DLGAP2: variants seen among roughly 807,000 people sequenced by gnomAD.
The protein encoded by DLGAP2 is DLG associated protein 2.
DLGAP2 carries 26 observed loss-of-function variants against 100.3 expected under a neutral mutation model. That is an observed-to-expected ratio of 0.26 (90% confidence interval 0.19 to 0.36). The LOEUF is 0.36. Ranked by LOEUF, DLGAP2 falls within the 10% of genes least tolerant of loss-of-function variation. The pLI is 1.00. For synonymous variants in DLGAP2, 886 were observed against 630.1 expected (o/e 1.41, Z -6.08); for missense variants, 1,858 against 1,453.2 (o/e 1.28, Z -4.53).
chr8:1,589,585 C>T (rs1211354370), intron 6 of DLGAP2, among the ~76,000 whole-genome samples: 2 of 152,182 alleles, frequency 1.3e-5, no homozygotes, highest in African/African-American at 4.8e-5. Flanking sequence ...CAGGCTTGCG[C>T]CACCATGCCC....
chr8:949,171 C>T (rs1055302311), intron 2 of DLGAP2, among the ~76,000 whole-genome samples: 4 of 152,148 alleles, frequency 2.6e-5, no homozygotes, highest in African/African-American at 9.7e-5. Flanking sequence ...GTGGAAAGGA[C>T]GTGTGGTTCC....
chr8:1,609,864 A>C (rs1234211843), intron 6 of DLGAP2, among the ~76,000 whole-genome samples: 2 of 149,688 alleles, frequency 1.3e-5, no homozygotes, highest in African/African-American at 4.9e-5. Flanking sequence ...TGCACCCAAT[A>C]CGGGAGCACC....
chr8:1,009,475 T>C (rs1263371163), intron 2 of DLGAP2, among the ~76,000 whole-genome samples: 1 of 152,236 alleles, frequency 6.6e-6, no homozygotes, highest in Non-Finnish European at 1.5e-5. Context: ...TGGTATTGCT[T>C]CTGACATTTT....
At position 927,901 on chromosome 8, in the gene DLGAP2, G is replaced by T. The variant is rs138189463; in HGVS notation, c.73+19935G>T. Among the ~76,000 whole-genome samples, 564 of 152,334 alleles carry T rather than the reference G, an allele frequency of 3.7e-3. 7 individuals carry two copies. The highest frequency in any genetic ancestry group is 0.013 in the African/African-American group (544 of 41,568). On this transcript the variant is annotated intron_variant, in intron 2 of 14. Coordinates refer to ENST00000637795, the MANE Select transcript of DLGAP2 (RefSeq NM_001346810.2). Reference sequence around the variant, plus strand: ...CCCCACAAAGGACCAGCACACAGATGCACAAGTTCCCCTGAAGGGGCAGAG... The same window carrying T: ...CCCCACAAAGGACCAGCACACAGATTCACAAGTTCCCCTGAAGGGGCAGAG...
chr8:1,091,091 A>G (rs1309427891), intron 2 of DLGAP2, among the ~76,000 whole-genome samples: 1 of 152,140 alleles, frequency 6.6e-6, no homozygotes. Flanking sequence ...GGCTCCGGGC[A>G]GCCTGCAGCG....
At chr8:1,593,441 C>G (rs1796350996) in intron 6 of DLGAP2, among the ~76,000 whole-genome samples, 2 of 151,760 alleles carry the variant, frequency 1.3e-5, no homozygotes, top group South Asian at 4.2e-4. Flanking sequence ...GGCGACAAGG[C>G]AAGACTCCGT....
At chr8:1,040,942 T>G (rs974585081) in intron 2 of DLGAP2, among the ~76,000 whole-genome samples, 1 of 152,144 alleles carries the variant, frequency 6.6e-6, no homozygotes, top group African/African-American at 2.4e-5. Context: ...ATTGGTGACT[T>G]ACTTTTAGTC....
chr8:1,223,208 C>G (rs1384598050), intron 2 of DLGAP2, among the ~76,000 whole-genome samples: 1 of 152,180 alleles, frequency 6.6e-6, no homozygotes, highest in African/African-American at 2.4e-5. Flanking sequence ...CCCAGCAACC[C>G]TGTCCAGGGT....
chr8:1,384,195 G>A (rs1472823211), intron 3 of DLGAP2, among the ~76,000 whole-genome samples: 1 of 152,260 alleles, frequency 6.6e-6, no homozygotes, highest in Non-Finnish European at 1.5e-5. Flanking sequence ...AAAGTTAAGG[G>A]ATGAAGTGGC....
intron 2 of DLGAP2, among the ~76,000 whole-genome samples, chr8:919,474 T>C (rs950214907): frequency 2.0e-5 from 3 of 152,130 alleles, no homozygotes; most frequent in South Asian, 4.1e-4. Flanking sequence ...CCCCCACTGC[T>C]GATGAGCTCC....
chr8:1,272,128 A>T (rs1417251904), intron 3 of DLGAP2, among the ~76,000 whole-genome samples: 1 of 152,334 alleles, frequency 6.6e-6, no homozygotes, highest in Admixed American at 6.5e-5. Context: ...GAATGATTTC[A>T]TTATTCTCCG....
chr8:1,089,148 A>C (rs1156627216), intron 2 of DLGAP2, among the ~76,000 whole-genome samples: 940 of 97,434 alleles, frequency 9.6e-3, no homozygotes, highest in Middle Eastern at 0.021. Context: ...CAGGCTATGC[A>C]ATTCTCGCTC....
rs115298698 is a variant in DLGAP2 at position 1,160,924 on chromosome 8, A to G, written c.74-97927A>G. 5.5e-3 allele frequency among the ~76,000 whole-genome samples: 833 copies of G among 152,280 alleles called. 8 individuals are homozygous for G. The highest frequency in any genetic ancestry group is 0.018 in the African/African-American group (767 of 41,572). On this transcript the variant is annotated intron_variant, in intron 2 of 14. Coordinates refer to ENST00000637795, the MANE Select transcript of DLGAP2 (RefSeq NM_001346810.2). ...AGACTGGCCGTCATCTGGGTTTTTC[A>G]CCTAAGGAATTATTTTACCCCATAG...
chr8:1,158,549 C>T (rs1034778666), intron 2 of DLGAP2, among the ~76,000 whole-genome samples: 1 of 152,154 alleles, frequency 6.6e-6, no homozygotes, highest in African/African-American at 2.4e-5. Flanking sequence ...ATAGTGTTTT[C>T]CTATATATAA....
chr8:1,421,606 C>T (rs751071486), intron 3 of DLGAP2, among the ~76,000 whole-genome samples: 37 of 152,132 alleles, frequency 2.4e-4, no homozygotes, highest in African/African-American at 3.1e-4. Flanking sequence ...AAGAGAGTAA[C>T]GATTGCAAAA....
At chr8:1,225,106 T>C (rs1798388063) in intron 2 of DLGAP2, among the ~76,000 whole-genome samples, 2 of 152,168 alleles carry the variant, frequency 1.3e-5, no homozygotes, top group South Asian at 2.1e-4. Context: ...GAGCTGGAAA[T>C]AGGTGCCCAA....
intron 2 of DLGAP2, among the ~76,000 whole-genome samples, chr8:1,118,940 C>T (rs1436954929): frequency 1.3e-5 from 2 of 152,200 alleles, no homozygotes; most frequent in East Asian, 1.9e-4. Flanking sequence ...ATTATGCTTA[C>T]ATAGAATAAT....
intron 2 of DLGAP2, among the ~76,000 whole-genome samples, chr8:1,258,595 A>G (rs1011716067): frequency 4.2e-5 from 6 of 143,758 alleles, no homozygotes; most frequent in African/African-American, 1.3e-4. Flanking sequence ...ACTTAGTAAA[A>G]TTAAAAAAAA....
chr8:1,307,377 T>A (rs2117008656), intron 3 of DLGAP2, among the ~76,000 whole-genome samples: 1 of 152,334 alleles, frequency 6.6e-6, no homozygotes, highest in South Asian at 2.1e-4. Context: ...GAACAGGTGT[T>A]GGCAAGGATG....
Sources: gnomAD v4.1 joint callset for allele counts (sites outside exome capture counted in the v4.1 genomes callset) on GRCh38, gnomAD v4.1.1 for gene constraint, MANE v1.5 for transcripts, NCBI Gene and HGNC (gene_info 2026-07-23, HGNC 2026-07-21) for gene names.